The following C1QTNF7 variants were observed in gnomAD, a reference collection of about 807,000 sequenced individuals.
The protein encoded by C1QTNF7 is complement C1q tumor necrosis factor-related protein 7.
In C1QTNF7, 15 loss-of-function variants were observed where a neutral mutation model predicts 19.6. That is an observed-to-expected ratio of 0.76 (90% CI 0.51 to 1.18). The LOEUF (loss-of-function observed/expected upper bound fraction) is 1.18. Among genes scored for constraint, C1QTNF7 ranks in the 50% most tolerant of loss-of-function variants. The probability of loss-of-function intolerance (pLI) is 0.00; values close to 1 mark genes in which losing one functional copy is unlikely to be tolerated. For synonymous variants in C1QTNF7, 142 were observed against 137.5 expected, an observed-to-expected ratio of 1.03 and a Z score of -0.23; for missense variants, 324 against 359.7, an observed-to-expected ratio of 0.90 and a Z score of 0.80.
At chr4:15,345,361 G>A (rs1716680390) in intron 1 of C1QTNF7, among the ~76,000 whole-genome samples, 1 of 152,212 alleles carries the variant, frequency 6.6e-6, no homozygotes, top group Non-Finnish European at 1.5e-5. Context: ...CCTGGTGTCT[G>A]AGCAGGACCA....
rs1012125724 is a variant in C1QTNF7 at position 15,345,475 on chromosome 4, A to C, written c.13+5268A>C. 5.9e-5 allele frequency among the ~76,000 whole-genome samples: 9 copies of C among 152,288 alleles called. No individual in the cohort carries two copies. The East Asian group carries it at 1.5e-3, about 26-fold the overall frequency. ...CCAGGTGTGAGAAAATCTCCCATCA[A>C]GGATGTCTCATTCCCCTCTCCCCAG... On this transcript the variant is annotated intron_variant, in intron 1 of 2. Transcript: ENST00000295297.
chr4:15,406,223 C>G (rs1719189834), intron 1 of C1QTNF7, among the ~76,000 whole-genome samples: 1 of 152,132 alleles, frequency 6.6e-6, no homozygotes, highest in Non-Finnish European at 1.5e-5. Context: ...CACAGTTTCC[C>G]CGCCAGGATC....
chr4:15,427,021 A>G (rs1256779357), upstream of C1QTNF7, among the ~76,000 whole-genome samples: 2 of 152,198 alleles, frequency 1.3e-5, no homozygotes, highest in Non-Finnish European at 2.9e-5. Flanking sequence ...CATTGTTTTG[A>G]CCATCCTATG....
intron 1 of C1QTNF7, among the ~76,000 whole-genome samples, chr4:15,387,227 G>T (rs1288393444): frequency 9.2e-5 from 14 of 152,188 alleles, no homozygotes; most frequent in Admixed American, 9.2e-4. Context: ...GGAAGTGTGT[G>T]GGGGACAGGT....
intron 1 of C1QTNF7, among the ~76,000 whole-genome samples, chr4:15,364,385 GA>G (rs977987001): frequency 6.6e-6 from 1 of 152,094 alleles, no homozygotes; most frequent in Non-Finnish European, 1.5e-5. Context: ...TAATGAGTGA[GA>G]AAAAAATAAA....
chr4:15,355,972 T>A (rs1434914542), intron 1 of C1QTNF7, among the ~76,000 whole-genome samples: 2 of 152,166 alleles, frequency 1.3e-5, no homozygotes, highest in Non-Finnish European at 2.9e-5. Flanking sequence ...CTCCTCAGCC[T>A]CCCAAGTAAC....
chr4:15,408,546 G>A (rs1719287192), intron 1 of C1QTNF7, among the ~76,000 whole-genome samples: 1 of 152,060 alleles, frequency 6.6e-6, no homozygotes, highest in Admixed American at 6.6e-5. Context: ...ATATGGATAA[G>A]TATGTATGTA....
intron 1 of C1QTNF7, among the ~76,000 whole-genome samples, chr4:15,402,322 T>C (rs1011029216): frequency 6.6e-6 from 1 of 152,154 alleles, no homozygotes; most frequent in Non-Finnish European, 1.5e-5. Flanking sequence ...TTCCTAAACA[T>C]GTAAGAATTC....
At position 15,346,209 on chromosome 4, in the gene C1QTNF7, G is replaced by A. The variant is rs1022314771; in HGVS notation, c.13+6002G>A. On this transcript the variant is annotated intron_variant, in intron 1 of 2. Transcript: ENST00000295297. The stretch of plus-strand genomic sequence containing the variant: ...TCTCACTGCTCATCTGCAAGGTTGT[G>A]GGGTGAGAAATAAAGCACTTTGCCT... Among the ~76,000 whole-genome samples the A allele has an allele frequency of 2.6e-5, 4 of 152,318 alleles. No homozygotes were observed. In the East Asian group the frequency reaches 7.7e-4, roughly 29 times the overall value.
At chr4:15,437,534 T>C (rs1425563491) in intron 2 of C1QTNF7, among the ~76,000 whole-genome samples, 1 of 152,178 alleles carries the variant, frequency 6.6e-6, no homozygotes, top group Non-Finnish European at 1.5e-5. Flanking sequence ...TTTCATGAGG[T>C]AGTTCTAATA....
intron 1 of C1QTNF7, among the ~76,000 whole-genome samples, chr4:15,379,812 A>G (rs1371644202): frequency 6.6e-6 from 1 of 152,338 alleles, no homozygotes; most frequent in East Asian, 1.9e-4. Context: ...TCCTTCCCCA[A>G]GGTGAAAAGA....
rs927569143 is a variant in C1QTNF7 at position 15,444,229 on chromosome 4, G to T, written c.*1430G>T. 6.6e-6 allele frequency: 1 copy of T among 152,066 alleles called. No individual in the cohort carries two copies. The highest frequency in any genetic ancestry group is 2.4e-5 in the African/African-American group (1 of 41,390). The allele number at this position is 152,066 out of a possible 1,614,324, so 9.4% of individuals were successfully genotyped here. A position where few individuals can be genotyped will look rare whatever the true frequency, so the allele number is the denominator to read the frequency against. On this transcript the variant is annotated 3_prime_UTR_variant, in exon 3 of 3. Coordinates refer to ENST00000444304, the MANE Select transcript of C1QTNF7 (RefSeq NM_031911.5). ...CTCTTATGTTTGAATCACCATGCTAGATTCTGTGAAGACAGAAGAGTATCA... is the reference window on the plus strand; with the variant it reads ...CTCTTATGTTTGAATCACCATGCTATATTCTGTGAAGACAGAAGAGTATCA...
chr4:15,351,266 CCT>C (rs199931166), intron 1 of C1QTNF7, among the ~76,000 whole-genome samples: 7 of 152,250 alleles, frequency 4.6e-5, no homozygotes, highest in East Asian at 3.9e-4. Context: ...TTCCTTCCTT[CCT>C]CTGTTTTCTC....
chr4:15,438,228 T>C (rs994086271), intron 2 of C1QTNF7, among the ~76,000 whole-genome samples: 1 of 152,176 alleles, frequency 6.6e-6, no homozygotes, highest in Non-Finnish European at 1.5e-5. Flanking sequence ...TGAGATTATT[T>C]AAATACAATA....
At chr4:15,399,363 C>A (rs1718903420) in intron 1 of C1QTNF7, among the ~76,000 whole-genome samples, 1 of 152,274 alleles carries the variant, frequency 6.6e-6, no homozygotes, top group East Asian at 1.9e-4. Context: ...GAGCCACCTA[C>A]TGTAACACTT....
At chr4:15,377,577 G>C (rs1329239600) in intron 1 of C1QTNF7, among the ~76,000 whole-genome samples, 1 of 152,092 alleles carries the variant, frequency 6.6e-6, no homozygotes, top group Non-Finnish European at 1.5e-5. Flanking sequence ...TCTTCAAGTT[G>C]GTTTCTCTGA....
At chr4:15,419,686 A>G (rs971617292) in intron 1 of C1QTNF7, among the ~76,000 whole-genome samples, 8 of 152,240 alleles carry the variant, frequency 5.3e-5, no homozygotes, top group Middle Eastern at 3.2e-3. Context: ...AAATACAAAT[A>G]GTTCCATAGG....
intron 1 of C1QTNF7, among the ~76,000 whole-genome samples, chr4:15,400,662 C>G (rs976104708): frequency 5.3e-5 from 8 of 152,194 alleles, no homozygotes; most frequent in South Asian, 4.1e-4. Flanking sequence ...CCCAGGCTTC[C>G]TAATGTTTGT....
At chr4:15,374,509 C>A (rs781526890) in intron 1 of C1QTNF7, 45 of 950,776 alleles carry the variant, frequency 4.7e-5, no homozygotes, top group Non-Finnish European at 5.6e-5. Context: ...TTCTTTCGGG[C>A]TCGATCAAAC....
Sources: gnomAD v4.1 joint callset for allele counts (sites outside exome capture counted in the v4.1 genomes callset) on GRCh38, gnomAD v4.1.1 for gene constraint, MANE v1.5 for transcripts, NCBI Gene and HGNC (gene_info 2026-07-23, HGNC 2026-07-21) for gene names.